RUBCN: variants seen among roughly 807,000 people sequenced by gnomAD.
RUBCN encodes run domain Beclin-1-interacting and cysteine-rich domain-containing protein.
In RUBCN, 74 loss-of-function variants were observed where a neutral mutation model predicts 113.2. The observed-to-expected ratio is 0.65, with a 90% CI of 0.54 to 0.79. RUBCN has a LOEUF of 0.79. RUBCN is among the 30% of genes least tolerant of loss of function. The pLI, the probability that RUBCN is intolerant of heterozygous loss-of-function variation, is 0.00. For missense variants in RUBCN, 1,109 were observed against 1,251.7 expected (o/e 0.89, Z 1.72); for synonymous variants, 480 against 490.0 (o/e 0.98, Z 0.27).
At chr3:197,703,694 G>A (rs1485896970) in intron 4 of RUBCN, 40 bp from the exon 5 acceptor site, 4 of 1,335,188 alleles carry the variant, frequency 3.0e-6, no homozygotes, top group Non-Finnish European at 4.3e-6. Flanking sequence ...GAGCCCATCA[G>A]GGAGGCCTTG....
rs373065094 is a variant in RUBCN, at chr3:197,683,299, G to A, written c.1980+8C>T. The A allele has an allele frequency of 1.2e-6, 2 of 1,614,196 alleles. No individual in the cohort carries two copies. The highest frequency in any genetic ancestry group is 1.7e-6 in the Non-Finnish European group (2 of 1,180,036). ...GCCCCTGGGTAGGAAGAAGAGCTAAGGACCTACCTTCTGAGGGGCATCATG... is the reference window on the plus strand; with the variant it reads ...GCCCCTGGGTAGGAAGAAGAGCTAAAGACCTACCTTCTGAGGGGCATCATG... On this transcript the variant is annotated splice_region_variant and intron_variant, in intron 13 of 19. Coordinates refer to ENST00000296343, the MANE Select transcript of RUBCN (RefSeq NM_014687.4). This position sits in a 1 kb window ranked among gnomAD's most constrained non-coding sequence, Gnocchi z 4.6.
At position 197,669,828 on chromosome 3, in the gene RUBCN, T is replaced by A. The variant is rs1294473187; in HGVS notation, c.*5190A>T. ...TAATAAATATATATTTGACATACAC[T>A]TTTTCTAACTTCTTCTCACATAACA... is the stretch of plus-strand genomic sequence containing the variant. On this transcript the variant is annotated 3_prime_UTR_variant, in exon 20 of 20. Transcript: ENST00000296343. Among the ~76,000 whole-genome samples the A allele has an allele frequency of 6.6e-6, 1 of 152,236 alleles. No individual in the cohort carries two copies. Among genetic ancestry groups the A allele is most frequent in the Non-Finnish European group, 1.5e-5 (1 of 68,046 alleles).
intron 11 of RUBCN, among the ~76,000 whole-genome samples, chr3:197,684,875 T>C (rs1721669085): frequency 6.6e-6 from 1 of 152,176 alleles, no homozygotes; most frequent in African/African-American, 2.4e-5. Flanking sequence ...TTACCCCGAA[T>C]GTTAGAAGTG....
At position 197,672,194 on chromosome 3, in the gene RUBCN, A is replaced by T. The variant is rs1227457564; in HGVS notation, c.*2824T>A. ...GTCAAAAACAGCCTCATTTAAGTGGAAAATATTTGTCTTCCACTCTTCTGC... is the reference window on the plus strand; with the variant it reads ...GTCAAAAACAGCCTCATTTAAGTGGTAAATATTTGTCTTCCACTCTTCTGC... On this transcript the variant is annotated 3_prime_UTR_variant, in exon 20 of 20. Coordinates refer to ENST00000296343, the MANE Select transcript of RUBCN (RefSeq NM_014687.4). 6.6e-6 allele frequency: 1 copy of T among 152,216 alleles called. No homozygotes were observed. Among genetic ancestry groups the T allele is most frequent in the Non-Finnish European group, 1.5e-5 (1 of 68,036 alleles). 9.4% of individuals were successfully genotyped at this position (152,216 alleles called of 1,614,324 possible).
rs1233332138 is a variant in RUBCN, at chr3:197,675,243, A to G, written c.2741-47T>C. 19 of 1,605,104 alleles carry G rather than the reference A, an allele frequency of 1.2e-5. No homozygotes were observed. Among genetic ancestry groups the G allele is most frequent in the Admixed American group, 3.3e-5 (2 of 60,024 alleles). ...GGGAGAGAAGAAAACAATTTGTATT[A>G]TCTCCAGCTAGAGGTCAGTTGCTGC... is the stretch of plus-strand genomic sequence containing the variant. On this transcript the variant is annotated intron_variant, in intron 19 of 19. Coordinates refer to ENST00000296343, the MANE Select transcript of RUBCN (RefSeq NM_014687.4). This position sits in a 1 kb window ranked among gnomAD's most constrained non-coding sequence, Gnocchi z 4.4.
Position 197,701,809 on chromosome 3 carries a change from G to A in RUBCN, c.626C>T (p.Ala209Val). Residue 209 changes from alanine to valine, a missense_variant, in exon 6 of 20, where the codon GCC becomes GTC. Around this residue, in one of 3 missense-constraint regions of RUBCN, gnomAD observed 736 missense variants for 779.6 expected, o/e 0.94. Coordinates refer to ENST00000296343, the MANE Select transcript of RUBCN (RefSeq NM_014687.4). ...AGGGGTGTATGTGGAACTGGGCAGGGCTGTCAGGCTCTGGCTCTTTGTCAC... is the reference window on the plus strand; with the variant it reads ...AGGGGTGTATGTGGAACTGGGCAGGACTGTCAGGCTCTGGCTCTTTGTCAC... Reference protein sequence around the residue: ...LLVTKSQSLTALPSSTYTPPN... With the variant: ...LLVTKSQSLTVLPSSTYTPPN... 3.1e-6 allele frequency: 5 copies of A among 1,614,194 alleles called. No individual in the cohort carries two copies. The highest frequency in any genetic ancestry group is 4.2e-6 in the Non-Finnish European group (5 of 1,180,012).
intron 13 of RUBCN, 126 bp from the exon 14 acceptor site, chr3:197,682,741 C>A: frequency 7.9e-7 from 1 of 1,258,754 alleles, no homozygotes. Flanking sequence ...CACGGACGGG[C>A]TTGAGAAACA....
intron 1 of RUBCN, among the ~76,000 whole-genome samples, chr3:197,746,520 T>C (rs1398735339): frequency 6.6e-6 from 1 of 152,212 alleles, no homozygotes; most frequent in African/African-American, 2.4e-5. Context: ...GCTTTAAGTT[T>C]GAATTATTTT....
intron 8 of RUBCN, among the ~76,000 whole-genome samples, chr3:197,696,247 C>G (rs1722987480): frequency 6.6e-6 from 1 of 151,994 alleles, no homozygotes; most frequent in Admixed American, 6.6e-5. Context: ...TGGCACATGC[C>G]TGTAATCCCA....
At chr3:197,737,004 C>A (rs1728229881), upstream of RUBCN, 1 of 1,133,800 alleles carries the variant, frequency 8.8e-7, no homozygotes, top group African/African-American at 1.7e-5. Context: ...CGCTCGCAGA[C>A]CGCGCCCCTC....
rs1434337814 is a variant in RUBCN, at chr3:197,674,610, A to G, written c.*408T>C. 6.5e-6 allele frequency: 3 copies of G among 462,684 alleles called. No homozygotes were observed. The highest frequency in any genetic ancestry group is 2.1e-5 in the African/African-American group (1 of 47,550). 28.7% of individuals were successfully genotyped at this position (462,684 alleles called of 1,614,324 possible). On this transcript the variant is annotated 3_prime_UTR_variant, in exon 20 of 20. Coordinates refer to ENST00000296343, the MANE Select transcript of RUBCN (RefSeq NM_014687.4). The stretch of plus-strand genomic sequence containing the variant: ...CAGCAGCAGGAGAGGTGGTTGAGAA[A>G]GGCCTGGCTCAGAAGCTCCAGAACT...
At chr3:197,746,833 C>T (rs1312218468) in intron 1 of RUBCN, among the ~76,000 whole-genome samples, 2 of 152,248 alleles carry the variant, frequency 1.3e-5, no homozygotes, top group East Asian at 1.9e-4. Context: ...GGCTGAATGC[C>T]CACGTCCAGT....
rs1326452504 is a variant in RUBCN at position 197,736,765 on chromosome 3, C to A, written c.-46G>T. On this transcript the variant is annotated 5_prime_UTR_variant, in exon 1 of 20. Transcript: ENST00000296343. ...CTTCGCCCAAGAGAGGCGTCCCTGC[C>A]GCTTCGCCCTTCAGGGCTCCCGGGG... The A allele has an allele frequency of 9.2e-6, 14 of 1,523,510 alleles. No homozygotes were observed. Among genetic ancestry groups the A allele is most frequent in the Non-Finnish European group, 1.2e-5 (14 of 1,142,316 alleles). 94.4% of individuals were successfully genotyped at this position (1,523,510 alleles called of 1,614,324 possible).
intron 11 of RUBCN, among the ~76,000 whole-genome samples, chr3:197,693,279 A>T (rs1310182740): frequency 6.6e-6 from 1 of 152,158 alleles, no homozygotes; most frequent in Non-Finnish European, 1.5e-5. Context: ...TACTTTGTAA[A>T]CCTGATGTTT....
chr3:197,719,460 A>T lies in RUBCN; in HGVS notation c.66-1330T>A, dbSNP rs570124794. 1.1e-4 allele frequency among the ~76,000 whole-genome samples: 16 copies of T among 150,164 alleles called. No homozygotes were observed. In the East Asian group the frequency reaches 2.9e-3, roughly 27 times the overall value. On this transcript the variant is annotated intron_variant, in intron 1 of 19. Coordinates refer to ENST00000296343, the MANE Select transcript of RUBCN (RefSeq NM_014687.4). ...GCCATTGCACTCCAGCCTGGGCAAC[A>T]AGTGTGAGATTGTCTCAAAAAAAAA... is the stretch of plus-strand genomic sequence containing the variant.
intron 11 of RUBCN, among the ~76,000 whole-genome samples, chr3:197,691,682 C>T (rs937489600): frequency 2.0e-4 from 31 of 152,326 alleles, no homozygotes; most frequent in Admixed American, 1.7e-3. Flanking sequence ...TCTCGGCAGG[C>T]TCCTTACAGA....
chr3:197,738,608 C>T (rs757350032), upstream of RUBCN, among the ~76,000 whole-genome samples: 9 of 152,170 alleles, frequency 5.9e-5, no homozygotes, highest in South Asian at 4.1e-4. Flanking sequence ...CTTTTGGAGA[C>T]GCAGTCTTGC....
Position 197,718,070 on chromosome 3 carries a change from G to C in RUBCN, c.126C>G (p.Thr42=), listed in dbSNP as rs777347177. The change falls in exon 2 of 20, where the codon ACC becomes ACG. Residue 42 remains threonine, a synonymous_variant. Transcript: ENST00000296343. ...LKTTVEGLVS[T]NSPNVWSKYG... ...ACTTAGACCAGACGTTGGGGCTGTT[G>C]GTTGATACCAAACCCTCCACCGTCG... is the stretch of plus-strand genomic sequence containing the variant. 22 of 1,614,060 alleles carry C rather than the reference G, an allele frequency of 1.4e-5. No individual in the cohort carries two copies. The highest frequency in any genetic ancestry group is 1.9e-5 in the Non-Finnish European group (22 of 1,180,050).
upstream of RUBCN, among the ~76,000 whole-genome samples, chr3:197,739,539 A>T (rs901044570): frequency 3.4e-5 from 5 of 145,232 alleles, no homozygotes; most frequent in African/African-American, 1.3e-4. Context: ...TAAAAATACA[A>T]CAAAAAATTA....
Sources: gnomAD v4.1 joint callset for allele counts (sites outside exome capture counted in the v4.1 genomes callset) on GRCh38, gnomAD v4.1.1 for gene constraint, gnomAD v4.1.1 regional missense constraint, Gnocchi (gnomAD v3.1) non-coding constraint, MANE v1.5 for transcripts, NCBI Gene and HGNC (gene_info 2026-07-23, HGNC 2026-07-21) for gene names.